The following METTL16 variants were observed in gnomAD, a reference collection of about 807,000 sequenced individuals.
The protein encoded by METTL16 is methyltransferase 16, RNA N6-adenosine, also known as RNA N(6)-adenosine-methyltransferase METTL16.
METTL16 carries 19 observed loss-of-function variants against 57.9 expected under a neutral mutation model. The ratio of observed to expected loss-of-function variants is 0.33; its 90% CI spans 0.23 to 0.48. The LOEUF is 0.48. Among genes scored for constraint, METTL16 ranks in the 20% least tolerant of loss-of-function variants. METTL16 has a pLI of 0.99. For synonymous variants in METTL16, 246 were observed against 255.6 expected (o/e 0.96, Z 0.36); for missense variants, 434 against 691.5 (o/e 0.63, Z 4.18).
intron 8 of METTL16, among the ~76,000 whole-genome samples, chr17:2,433,363 G>A (rs543715606): frequency 6.6e-6 from 1 of 152,222 alleles, no homozygotes; most frequent in African/African-American, 2.4e-5. Context: ...GGAGCCAAAC[G>A]AGGAGCTGTA....
At position 2,491,862 on chromosome 17, in the gene METTL16, G is replaced by A. The variant is rs6502293; in HGVS notation, c.128+10342C>T. On this transcript the variant is annotated intron_variant, in intron 2 of 9. Transcript: ENST00000263092. ...TGCACTCCAGCCTGGGCGACAGAGCGAGACACCGTCTCACAAAAAAAAAAA... is the reference window on the plus strand; with the variant it reads ...TGCACTCCAGCCTGGGCGACAGAGCAAGACACCGTCTCACAAAAAAAAAAA... Among the ~76,000 whole-genome samples the A allele has an allele frequency of 7.6e-3, 694 of 90,738 alleles. 2 individuals are homozygous for A. The Middle Eastern group carries it at 0.1, about 13-fold the overall frequency. 59.5% of individuals were successfully genotyped at this position (90,738 alleles called of 152,430 possible).
chr17:2,464,344 T>A lies in METTL16; in HGVS notation c.592A>T (p.Asn198Tyr). 8 of 1,594,630 alleles carry A rather than the reference T, an allele frequency of 5.0e-6. No homozygotes were observed. Among genetic ancestry groups the A allele is most frequent in the Non-Finnish European group, 6.0e-6 (7 of 1,174,544 alleles). ...FANQLEAKGV[N>Y]SRNPRRPPPS... Reference sequence around the variant, plus strand: ...GGAGGTCTTCGAGGATTTCGTGAGTTTACTCCCTGAAAAACAACAAAAAAC... The same window carrying A: ...GGAGGTCTTCGAGGATTTCGTGAGTATACTCCCTGAAAAACAACAAAAAAC... The change falls in exon 6 of 10, where the codon AAC becomes TAC. Residue 198 changes from asparagine (N) to tyrosine (Y), a missense_variant. Coordinates refer to ENST00000263092, the MANE Select transcript of METTL16 (RefSeq NM_024086.4).
intron 8 of METTL16, among the ~76,000 whole-genome samples, chr17:2,424,657 G>A (rs1377817776): frequency 2.0e-5 from 3 of 151,916 alleles, no homozygotes; most frequent in Non-Finnish European, 4.4e-5. Context: ...TAGACATTAA[G>A]AGACAGACAG....
chr17:2,447,753 T>TG (rs1188107421), intron 6 of METTL16, among the ~76,000 whole-genome samples: 6 of 75,760 alleles, frequency 7.9e-5, no homozygotes, highest in Admixed American at 1.3e-4. Flanking sequence ...GGGAGGGAGG[T>TG]GGGGGGATCA....
At chr17:2,426,780 T>C (rs747348078) in intron 8 of METTL16, among the ~76,000 whole-genome samples, 3 of 150,158 alleles carry the variant, frequency 2.0e-5, no homozygotes, top group Non-Finnish European at 4.4e-5. Flanking sequence ...AAGAAAACTA[T>C]TGCAGAATGC....
chr17:2,481,014 C>T (rs2067301874), intron 2 of METTL16, among the ~76,000 whole-genome samples: 1 of 151,970 alleles, frequency 6.6e-6, no homozygotes, highest in South Asian at 2.1e-4. Flanking sequence ...ACCAGCTTGG[C>T]CAACATGGTG....
At chr17:2,467,987 CG>C in intron 4 of METTL16, 111 bp from the exon 5 acceptor site, 1 of 721,818 alleles carries the variant, frequency 1.4e-6, no homozygotes, top group South Asian at 1.7e-5. Context: ...ATGGTGGTCC[CG>C]TAAGATTATA....
At chr17:2,501,634 C>T (rs2067488456) in intron 2 of METTL16, among the ~76,000 whole-genome samples, 1 of 151,944 alleles carries the variant, frequency 6.6e-6, no homozygotes, top group Non-Finnish European at 1.5e-5. Context: ...CCAAGGTGGG[C>T]GGATCACGAG....
chr17:2,498,754 A>G (rs1034516508), intron 2 of METTL16, among the ~76,000 whole-genome samples: 3 of 151,348 alleles, frequency 2.0e-5, no homozygotes, highest in African/African-American at 7.4e-5. Flanking sequence ...ATAATATAAA[A>G]CTTTAGTGGA....
chr17:2,448,789 T>TTAAAAAAAAAAAAAAAAAAAAAAAAAAAA (rs2067041597), intron 6 of METTL16, among the ~76,000 whole-genome samples: 1 of 47,734 alleles, frequency 2.1e-5, no homozygotes, highest in Non-Finnish European at 5.3e-5. Flanking sequence ...AATAAAAAAA[T>TTAAAAAAAAAAAAAAAAAAAAAAAAAAAA]AAAAATAAAA....
At chr17:2,470,333 T>C (rs1339162449) in intron 4 of METTL16, among the ~76,000 whole-genome samples, 7 of 150,728 alleles carry the variant, frequency 4.6e-5, no homozygotes, top group Non-Finnish European at 8.9e-5. Flanking sequence ...CAAAACGTGG[T>C]ATTAAATAGA....
At chr17:2,481,209 GA>G (rs1479318906) in intron 2 of METTL16, among the ~76,000 whole-genome samples, 4 of 110,990 alleles carry the variant, frequency 3.6e-5, no homozygotes, top group Admixed American at 2.9e-4. Flanking sequence ...CCATGTTTCA[GA>G]AAAAAAAGAA....
chr17:2,511,754 C>T lies in METTL16; in HGVS notation c.-1+5G>A, dbSNP rs1424474184. On this transcript the variant is annotated splice_donor_5th_base_variant and intron_variant, in intron 1 of 9. Coordinates refer to ENST00000263092, the MANE Select transcript of METTL16 (RefSeq NM_024086.4). ...AAATCTGCGTGAGAGATATAAGTGA[C>T]CCACCTCTGAGGCCGAGGTTCCTGC... The T allele has an allele frequency of 2.5e-6, 1 of 398,364 alleles. No individual in the cohort carries two copies. Among genetic ancestry groups the T allele is most frequent in the African/African-American group, 2.1e-5 (1 of 48,628 alleles). 24.7% of individuals were successfully genotyped at this position (398,364 alleles called of 1,614,324 possible).
chr17:2,490,797 T>A (rs141556387), intron 2 of METTL16, among the ~76,000 whole-genome samples: 1 of 152,262 alleles, frequency 6.6e-6, no homozygotes, highest in East Asian at 1.9e-4. Context: ...TCCAAGGGCC[T>A]TCAAAGAAAG....
At chr17:2,432,645 C>CAA (rs558898193) in intron 8 of METTL16, among the ~76,000 whole-genome samples, 1 of 147,264 alleles carries the variant, frequency 6.8e-6, no homozygotes, top group Admixed American at 6.8e-5. Flanking sequence ...TGAGTTTTCA[C>CAA]AAAAAAAAAA....
At chr17:2,439,453 C>T (rs1351349393) in intron 7 of METTL16, among the ~76,000 whole-genome samples, 3 of 151,960 alleles carry the variant, frequency 2.0e-5, no homozygotes, top group Admixed American at 6.6e-5. Context: ...AACAGGAGCA[C>T]GGGGCTCTGC....
At chr17:2,440,970 CAAAAAAA>C (rs760521188) in intron 7 of METTL16, among the ~76,000 whole-genome samples, 31 of 34,038 alleles carry the variant, frequency 9.1e-4, no homozygotes, top group Non-Finnish European at 2.1e-3. Context: ...GACTTGATCT[CAAAAAAA>C]AAAAAAAAAA....
intron 6 of METTL16, among the ~76,000 whole-genome samples, chr17:2,457,496 C>CTCAAA (rs2067120104): frequency 6.6e-6 from 1 of 151,984 alleles, no homozygotes; most frequent in African/African-American, 2.4e-5. Context: ...AACCTGAGGT[C>CTCAAA]AGGAGTTTTG....
chr17:2,460,269 T>C (rs1463593496), intron 6 of METTL16: 1 of 152,086 alleles, frequency 6.6e-6, no homozygotes, highest in Non-Finnish European at 1.5e-5. Context: ...GTGTTTCCCA[T>C]ATATGAGACC....
Sources: gnomAD v4.1 joint callset for allele counts (sites outside exome capture counted in the v4.1 genomes callset) on GRCh38, gnomAD v4.1.1 for gene constraint, MANE v1.5 for transcripts, NCBI Gene and HGNC (gene_info 2026-07-23, HGNC 2026-07-21) for gene names.